Variants in CSMD1 observed in about 807,000 individuals in gnomAD.
CSMD1 encodes CUB and sushi domain-containing protein 1.
In CSMD1, 213 loss-of-function variants were observed where a neutral mutation model predicts 417.5. The observed-to-expected ratio is 0.51, with a 90% CI of 0.46 to 0.57. The LOEUF (loss-of-function observed/expected upper bound fraction) is 0.57, where lower values mean the gene tolerates loss of function less well. Among genes scored for constraint, CSMD1 ranks in the 20% least tolerant of loss-of-function variants. The pLI is 0.00. For synonymous variants in CSMD1, 2,862 were observed against 1,736.8 expected, an observed-to-expected ratio of 1.65 and a Z score of -16.11; for missense variants, 6,923 against 4,529.7, an observed-to-expected ratio of 1.53 and a Z score of -15.17.
At chr8:3,277,012 AG>A (rs1275212335) in intron 26 of CSMD1, among the ~76,000 whole-genome samples, 1 of 152,130 alleles carries the variant, frequency 6.6e-6, no homozygotes, top group Non-Finnish European at 1.5e-5. Flanking sequence ...TCTTCGCTAA[AG>A]AAACCTTTGA....
At chr8:3,423,715 G>A (rs1813642717) in intron 12 of CSMD1, among the ~76,000 whole-genome samples, 1 of 152,152 alleles carries the variant, frequency 6.6e-6, no homozygotes, top group Non-Finnish European at 1.5e-5. Context: ...AGGTCTTTGT[G>A]TGGAAATGTG....
intron 68 of CSMD1, among the ~76,000 whole-genome samples, chr8:2,948,644 C>T (rs1290604383): frequency 1.3e-5 from 2 of 152,042 alleles, no homozygotes; most frequent in Non-Finnish European, 2.9e-5. Flanking sequence ...GGGCAACATG[C>T]GGAGGTTATT....
At chr8:4,404,136 T>A (rs1804847732) in intron 3 of CSMD1, among the ~76,000 whole-genome samples, 1 of 152,294 alleles carries the variant, frequency 6.6e-6, no homozygotes, top group East Asian at 1.9e-4. Flanking sequence ...GTGTTTATCT[T>A]TTTCTCAGCG....
At chr8:4,461,804 G>C (rs1251713370) in intron 2 of CSMD1, among the ~76,000 whole-genome samples, 11 of 145,616 alleles carry the variant, frequency 7.6e-5, no homozygotes, top group Admixed American at 2.1e-4. Context: ...GCAGTAGTAC[G>C]ATCTCAGCTC....
At chr8:4,941,649 G>C (rs973643076) in intron 1 of CSMD1, among the ~76,000 whole-genome samples, 1 of 151,440 alleles carries the variant, frequency 6.6e-6, no homozygotes, top group Non-Finnish European at 1.5e-5. Context: ...CCCAGGCTGG[G>C]GTACAGTACC....
At chr8:3,889,494 A>AT (rs1554475387) in intron 5 of CSMD1, among the ~76,000 whole-genome samples, 2,704 of 38,274 alleles carry the variant, frequency 0.071, 360 homozygotes, top group South Asian at 0.095. Context: ...TATATATATA[A>AT]AATATGCTCA....
At position 2,994,527 on chromosome 8, in the gene CSMD1, C is replaced by G. The variant is rs149669750; in HGVS notation, c.8377+3484G>C. Among the ~76,000 whole-genome samples, 889 of 152,282 alleles carry G rather than the reference C, an allele frequency of 5.8e-3. 8 individuals carry two copies. Among genetic ancestry groups the G allele is most frequent in the African/African-American group, 0.02 (848 of 41,562 alleles). On this transcript the variant is annotated intron_variant, in intron 54 of 69. Transcript: ENST00000635120. ...CATCGTGCCCACTCACGTGATACCACTGCCATGTTTTACAGAGGAAAACGG... is the reference window on the plus strand; with the variant it reads ...CATCGTGCCCACTCACGTGATACCAGTGCCATGTTTTACAGAGGAAAACGG...
chr8:3,658,088 A>G (rs1000935237), intron 7 of CSMD1, among the ~76,000 whole-genome samples: 1 of 152,200 alleles, frequency 6.6e-6, no homozygotes, highest in African/African-American at 2.4e-5. Context: ...ACTGATTATC[A>G]CAATGCTAGC....
At chr8:3,824,523 G>A (rs375517552) in intron 5 of CSMD1, among the ~76,000 whole-genome samples, 23 of 152,304 alleles carry the variant, frequency 1.5e-4, no homozygotes, top group South Asian at 2.1e-4. Context: ...CACACTTAAA[G>A]CGTGATGAGT....
At chr8:3,544,181 A>T (rs980469342) in intron 10 of CSMD1, among the ~76,000 whole-genome samples, 5 of 152,234 alleles carry the variant, frequency 3.3e-5, no homozygotes, top group African/African-American at 9.6e-5. Flanking sequence ...TAGCCTCTAG[A>T]GGTTCATGGT....
chr8:3,601,121 G>A (rs538293406), intron 8 of CSMD1, among the ~76,000 whole-genome samples: 1 of 152,284 alleles, frequency 6.6e-6, no homozygotes, highest in African/African-American at 2.4e-5. Context: ...GTATATCACT[G>A]CTAGATGTAG....
At chr8:4,271,556 C>A (rs997441609) in intron 3 of CSMD1, among the ~76,000 whole-genome samples, 3 of 150,788 alleles carry the variant, frequency 2.0e-5, no homozygotes, top group Non-Finnish European at 3.0e-5. Context: ...ATTACAATTA[C>A]ATTTCAAAAG....
chr8:3,588,858 C>T (rs993498138), intron 8 of CSMD1, among the ~76,000 whole-genome samples: 5 of 151,994 alleles, frequency 3.3e-5, no homozygotes, highest in African/African-American at 1.2e-4. Context: ...TCCACAAATA[C>T]AAAGAACTCA....
chr8:4,040,309 C>A (rs2740912), intron 3 of CSMD1, among the ~76,000 whole-genome samples: 112,947 of 152,142 alleles, frequency 0.74, 42,153 homozygotes, highest in African/African-American at 0.81. Context: ...TGTTCCAAGT[C>A]GTTTATATAT....
intron 1 of CSMD1, among the ~76,000 whole-genome samples, chr8:4,701,154 G>C (rs369364185): frequency 1.3e-5 from 2 of 151,898 alleles, no homozygotes; most frequent in East Asian, 3.9e-4. Flanking sequence ...CAAAGCTGTG[G>C]GCTCCCCCAC....
At chr8:3,574,249 A>C (rs187851336) in intron 10 of CSMD1, among the ~76,000 whole-genome samples, 1 of 152,198 alleles carries the variant, frequency 6.6e-6, no homozygotes, top group East Asian at 1.9e-4. Context: ...ATTGTTTTTT[A>C]TCTTTTCTTG....
chr8:4,330,456 G>A (rs576548103), intron 3 of CSMD1, among the ~76,000 whole-genome samples: 3 of 151,986 alleles, frequency 2.0e-5, no homozygotes, highest in East Asian at 1.9e-4. Flanking sequence ...CATGCATGTT[G>A]GCAGGTGCCT....
intron 64 of CSMD1, among the ~76,000 whole-genome samples, chr8:2,954,826 T>A (rs1316672012): frequency 6.6e-6 from 1 of 152,210 alleles, no homozygotes; most frequent in African/African-American, 2.4e-5. Context: ...CTTCTATTTC[T>A]AACAGGGAAG....
chr8:4,963,267 C>G (rs926555147), intron 1 of CSMD1, among the ~76,000 whole-genome samples: 1 of 152,166 alleles, frequency 6.6e-6, no homozygotes, highest in Admixed American at 6.6e-5. Context: ...GTGGTGCAAT[C>G]TTGACTCACT....
Sources: gnomAD v4.1 joint callset for allele counts (sites outside exome capture counted in the v4.1 genomes callset) on GRCh38, gnomAD v4.1.1 for gene constraint, MANE v1.5 for transcripts, NCBI Gene and HGNC (gene_info 2026-07-23, HGNC 2026-07-21) for gene names.